The following LINGO2 variants were observed in gnomAD, a reference collection of about 807,000 sequenced individuals.
LINGO2 encodes the protein leucine rich repeat and Ig domain containing 2.
Under a neutral mutation model 30.6 loss-of-function variants are expected in LINGO2, and 14 were observed. That is an observed-to-expected ratio of 0.46 (90% CI 0.30 to 0.72). The LOEUF is 0.72. LINGO2 is among the 30% of genes least tolerant of loss of function. LINGO2 has a pLI of 0.07. For missense variants in LINGO2, 729 were observed against 751.7 expected (o/e 0.97, Z 0.35); for synonymous variants, 317 against 288.5 (o/e 1.10, Z -1.00).
At chr9:28,530,115 A>T (rs922320240) in intron 1 of LINGO2, among the ~76,000 whole-genome samples, 1 of 151,954 alleles carries the variant, frequency 6.6e-6, no homozygotes, top group Admixed American at 6.6e-5. Context: ...TTGAAAGATG[A>T]GCTGAATTCA....
At chr9:29,062,164 TAATACAGAA>T in the LINGO2 span, among the ~76,000 whole-genome samples, 2 of 152,052 alleles carry the variant, frequency 1.3e-5, no homozygotes, top group African/African-American at 4.8e-5. Flanking sequence ...CAGTATATTT[TAATACAGAA>T]AATACAGAAA....
chr9:28,582,965 T>C (rs929013644), intron 1 of LINGO2, among the ~76,000 whole-genome samples: 9 of 151,998 alleles, frequency 5.9e-5, no homozygotes, highest in Non-Finnish European at 1.3e-4. Flanking sequence ...TGTGTATATG[T>C]GTATACACAA....
chr9:28,776,511 A>C, the LINGO2 span, among the ~76,000 whole-genome samples: 1 of 152,222 alleles, frequency 6.6e-6, no homozygotes, highest in African/African-American at 2.4e-5. Context: ...TAATTTAACC[A>C]GTAGCTATAA....
chr9:29,022,319 C>T, the LINGO2 span, among the ~76,000 whole-genome samples: 1 of 152,188 alleles, frequency 6.6e-6, no homozygotes, highest in Non-Finnish European at 1.5e-5. Context: ...TTTCTTCTCT[C>T]TGCCTACTGC....
intron 4 of LINGO2, among the ~76,000 whole-genome samples, chr9:28,058,924 T>C (rs1825050459): frequency 6.6e-6 from 1 of 152,204 alleles, no homozygotes; most frequent in African/African-American, 2.4e-5. Context: ...AATTTATAAG[T>C]AAACAATTAT....
At chr9:28,452,512 A>G (rs770057713) in intron 2 of LINGO2, among the ~76,000 whole-genome samples, 2 of 151,872 alleles carry the variant, frequency 1.3e-5, no homozygotes, top group Non-Finnish European at 2.9e-5. Context: ...ATTTTATTAA[A>G]TACATAATTT....
chr9:28,419,007 CAGTCCAGAGTA>C (rs1478340615), intron 2 of LINGO2, among the ~76,000 whole-genome samples: 1 of 152,230 alleles, frequency 6.6e-6, no homozygotes, highest in East Asian at 1.9e-4. Context: ...TAATTTTGAT[CAGTCCAGAGTA>C]AGTCCAGAGT....
the LINGO2 span, among the ~76,000 whole-genome samples, chr9:28,998,140 G>C: frequency 1.3e-5 from 2 of 152,148 alleles, no homozygotes; most frequent in African/African-American, 4.8e-5. Context: ...AGCAACCTTA[G>C]ACATTATTTT....
At chr9:29,178,093 T>A in the LINGO2 span, among the ~76,000 whole-genome samples, 1 of 152,028 alleles carries the variant, frequency 6.6e-6, no homozygotes, top group Admixed American at 6.6e-5. Flanking sequence ...TTCACTCTTG[T>A]TGCCCAGACT....
intron 4 of LINGO2, among the ~76,000 whole-genome samples, chr9:28,240,584 A>T (rs529379866): frequency 6.6e-6 from 1 of 152,184 alleles, no homozygotes; most frequent in Non-Finnish European, 1.5e-5. Flanking sequence ...AAAACTGGTT[A>T]TCTATATGCA....
chr9:28,047,046 A>C (rs1824454350), intron 4 of LINGO2, among the ~76,000 whole-genome samples: 2 of 152,242 alleles, frequency 1.3e-5, no homozygotes, highest in South Asian at 2.1e-4. Context: ...AATGCTTAGC[A>C]GATTGTAGGG....
rs138901639 is a variant in LINGO2 at position 28,561,929 on chromosome 9, G to A, written c.-364-85904C>T. Among the ~76,000 whole-genome samples, 1,314 of 151,312 alleles carry A rather than the reference G, an allele frequency of 8.7e-3. 5 individuals carry two copies. The highest frequency in any genetic ancestry group is 0.02 in the Middle Eastern group (6 of 294). ...CAATATGCACTTAATGAGCACTCCA[G>A]CTCTCTGCTTTTCAATTTGTACTCG... On this transcript the variant is annotated intron_variant, in intron 1 of 5. Coordinates refer to ENST00000379992, the Ensembl canonical transcript of LINGO2.
chr9:29,008,269 T>C, the LINGO2 span, among the ~76,000 whole-genome samples: 1 of 152,220 alleles, frequency 6.6e-6, no homozygotes, highest in East Asian at 1.9e-4. Flanking sequence ...TCCTTTTTTA[T>C]GGCTGCACAG....
chr9:28,455,316 C>T (rs962158652), intron 2 of LINGO2, among the ~76,000 whole-genome samples: 2 of 151,808 alleles, frequency 1.3e-5, no homozygotes, highest in African/African-American at 4.8e-5. Flanking sequence ...TTTGCCCTAC[C>T]TGATAAACAC....
At chr9:28,676,665 G>C in the LINGO2 span, among the ~76,000 whole-genome samples, 48 of 152,150 alleles carry the variant, frequency 3.2e-4, 3 homozygotes, top group African/African-American at 1.1e-3. Context: ...TAAGATTTAC[G>C]AGGACTTCAC....
chr9:28,553,107 G>A (rs992162258), intron 1 of LINGO2, among the ~76,000 whole-genome samples: 5 of 152,022 alleles, frequency 3.3e-5, no homozygotes, highest in African/African-American at 1.2e-4. Context: ...TCCTCCAAAG[G>A]AACGCAGCTC....
the LINGO2 span, among the ~76,000 whole-genome samples, chr9:29,116,697 A>C: frequency 6.6e-6 from 1 of 152,090 alleles, no homozygotes; most frequent in East Asian, 1.9e-4. Context: ...AAAAAAGCAA[A>C]AACTTCAATG....
chr9:29,040,843 T>A, the LINGO2 span, among the ~76,000 whole-genome samples: 1 of 151,998 alleles, frequency 6.6e-6, no homozygotes, highest in Admixed American at 6.6e-5. Context: ...AATCATGAAT[T>A]AGATTACATA....
At chr9:28,503,769 G>T (rs2135326575) in intron 1 of LINGO2, among the ~76,000 whole-genome samples, 1 of 151,970 alleles carries the variant, frequency 6.6e-6, no homozygotes, top group African/African-American at 2.4e-5. Context: ...TCTTCCCGAG[G>T]TATGAGTCAG....
Sources: allele counts gnomAD v4.1 joint callset (sites outside exome capture counted in the v4.1 genomes callset), GRCh38; gene constraint gnomAD v4.1.1; transcripts MANE v1.5; gene names NCBI Gene and HGNC (gene_info 2026-07-23, HGNC 2026-07-21).